Variants in OPCML observed in about 807,000 individuals in gnomAD.
The protein encoded by OPCML is opioid-binding protein/cell adhesion molecule.
Under a neutral mutation model 37.8 loss-of-function variants are expected in OPCML, and 13 were observed. The ratio of observed to expected loss-of-function variants is 0.34; its 90% CI spans 0.22 to 0.55. The LOEUF (loss-of-function observed/expected upper bound fraction) is 0.55, where lower values mean the gene tolerates loss of function less well. Ranked by LOEUF, OPCML falls within the 20% of genes least tolerant of loss-of-function variation. The pLI is 0.91. For missense variants in OPCML, 341 were observed against 435.6 expected, an observed-to-expected ratio of 0.78 and a Z score of 1.93; for synonymous variants, 176 against 168.8, an observed-to-expected ratio of 1.04 and a Z score of -0.33.
chr11:133,258,014 G>C (rs748872484), intron 1 of OPCML, among the ~76,000 whole-genome samples: 1 of 152,114 alleles, frequency 6.6e-6, no homozygotes, highest in Non-Finnish European at 1.5e-5. Flanking sequence ...GTTAAGAAGC[G>C]GTGGTAGTCA....
At chr11:133,484,877 G>T (rs919678473) in intron 1 of OPCML, among the ~76,000 whole-genome samples, 5 of 151,904 alleles carry the variant, frequency 3.3e-5, no homozygotes, top group African/African-American at 9.7e-5. Context: ...CTTAACAGTT[G>T]TTAAAATTAA....
chr11:133,109,363 G>A (rs1396748223), intron 1 of OPCML, among the ~76,000 whole-genome samples: 1 of 152,070 alleles, frequency 6.6e-6, no homozygotes, highest in Non-Finnish European at 1.5e-5. Context: ...GGGGGTGGTC[G>A]GCTTTTATTC....
chr11:133,229,379 C>T (rs994470136), intron 1 of OPCML, among the ~76,000 whole-genome samples: 2 of 152,146 alleles, frequency 1.3e-5, no homozygotes, highest in Non-Finnish European at 2.9e-5. Context: ...GTTCAAATAA[C>T]TCTTATTTGA....
intron 1 of OPCML, among the ~76,000 whole-genome samples, chr11:133,210,199 G>T (rs1182278324): frequency 6.6e-6 from 1 of 152,284 alleles, no homozygotes; most frequent in South Asian, 2.1e-4. Context: ...GCGTCTGGGG[G>T]ATACACAGTA....
chr11:132,703,948 G>A (rs749478675), intron 2 of OPCML, among the ~76,000 whole-genome samples: 6 of 152,196 alleles, frequency 3.9e-5, no homozygotes, highest in African/African-American at 7.2e-5. Flanking sequence ...TGGGGTCCAC[G>A]GAAGTAGACC....
At chr11:133,283,754 G>T (rs183315216) in intron 1 of OPCML, among the ~76,000 whole-genome samples, 2 of 152,112 alleles carry the variant, frequency 1.3e-5, no homozygotes, top group African/African-American at 4.8e-5. Flanking sequence ...AATAGGCCCC[G>T]GTATATGAGG....
chr11:133,396,584 C>T (rs1945290953), intron 1 of OPCML, among the ~76,000 whole-genome samples: 2 of 152,198 alleles, frequency 1.3e-5, no homozygotes, highest in Admixed American at 1.3e-4. Context: ...CACTCTTCTG[C>T]TCAAAAACCT....
chr11:132,945,310 C>T (rs1052996742), intron 1 of OPCML, among the ~76,000 whole-genome samples: 21 of 152,250 alleles, frequency 1.4e-4, no homozygotes, highest in African/African-American at 4.8e-4. Flanking sequence ...GAGCCTATTG[C>T]TCCTTGGCTG....
intron 1 of OPCML, among the ~76,000 whole-genome samples, chr11:133,307,582 C>G (rs977431021): frequency 1.3e-5 from 2 of 152,160 alleles, no homozygotes; most frequent in Non-Finnish European, 2.9e-5. Flanking sequence ...CTTCCTGACT[C>G]AGGTCAAACA....
intron 1 of OPCML, among the ~76,000 whole-genome samples, chr11:133,415,831 G>T (rs7933873): frequency 6.6e-6 from 1 of 152,058 alleles, no homozygotes; most frequent in Admixed American, 6.5e-5. Flanking sequence ...TTACTGCCCC[G>T]TGATACGGAA....
In OPCML at chr11:133,487,587, A is replaced by G. The variant is rs534347013; in HGVS notation, c.61+44677T>C. ...ATGGTCCCTTTGTTTTCTTTTATTC[A>G]TCTGCTTATCATGAGTCCTCCCCAC... is the stretch of plus-strand genomic sequence containing the variant. On this transcript the variant is annotated intron_variant, in intron 1 of 7. Transcript: ENST00000524381. 1.9e-3 allele frequency among the ~76,000 whole-genome samples: 286 copies of G among 152,154 alleles called. 2 individuals carry two copies. Among genetic ancestry groups the G allele is most frequent in the African/African-American group, 5.9e-3 (247 of 41,518 alleles).
intron 1 of OPCML, among the ~76,000 whole-genome samples, chr11:133,292,216 A>T (rs993090356): frequency 1.3e-5 from 2 of 152,230 alleles, no homozygotes; most frequent in South Asian, 2.1e-4. Flanking sequence ...CTAAATCAAA[A>T]GGGAGGGGAA....
At chr11:133,517,755 G>C (rs998873421) in intron 1 of OPCML, among the ~76,000 whole-genome samples, 2 of 152,214 alleles carry the variant, frequency 1.3e-5, no homozygotes, top group Non-Finnish European at 2.9e-5. Flanking sequence ...GCAAGAACAA[G>C]GTGTTTCTGA....
At chr11:132,778,311 T>C (rs1300657656) in intron 2 of OPCML, among the ~76,000 whole-genome samples, 2 of 152,256 alleles carry the variant, frequency 1.3e-5, no homozygotes, top group Non-Finnish European at 2.9e-5. Context: ...CACTGCTGCG[T>C]GCTAGCAAGC....
At chr11:132,644,056 G>A (rs550826691) in intron 3 of OPCML, among the ~76,000 whole-genome samples, 3 of 152,000 alleles carry the variant, frequency 2.0e-5, no homozygotes, top group African/African-American at 7.2e-5. Context: ...GGCATTTCTG[G>A]GACACAGAAT....
intron 1 of OPCML, among the ~76,000 whole-genome samples, chr11:133,253,850 C>CTTCCT (rs1565531402): frequency 2.0e-4 from 15 of 73,548 alleles, no homozygotes; most frequent in African/African-American, 6.4e-4. Flanking sequence ...CTTCCCTTCC[C>CTTCCT]TTCCCTTCCC....
chr11:133,053,638 C>G (rs1230313851), intron 1 of OPCML, among the ~76,000 whole-genome samples: 1 of 152,212 alleles, frequency 6.6e-6, no homozygotes, highest in Non-Finnish European at 1.5e-5. Flanking sequence ...CCTCTTGAAG[C>G]ACTTTTCTCA....
chr11:132,663,814 G>GT (rs907259229), intron 2 of OPCML, among the ~76,000 whole-genome samples: 9 of 151,708 alleles, frequency 5.9e-5, no homozygotes, highest in Non-Finnish European at 1.0e-4. Flanking sequence ...ATTTAATGTT[G>GT]TTTTTTTTGT....
intron 4 of OPCML, among the ~76,000 whole-genome samples, chr11:132,442,043 A>C (rs2096037592): frequency 2.6e-5 from 4 of 152,166 alleles, no homozygotes; most frequent in African/African-American, 9.7e-5. Flanking sequence ...ACCTCACTGC[A>C]CTTATTCTGC....
Sources: allele counts gnomAD v4.1 joint callset (sites outside exome capture counted in the v4.1 genomes callset), GRCh38; gene constraint gnomAD v4.1.1; transcripts MANE v1.5; gene names NCBI Gene and HGNC (gene_info 2026-07-23, HGNC 2026-07-21).